The following MACROD2 variants were observed in gnomAD, a reference collection of about 807,000 sequenced individuals.
The protein encoded by MACROD2 is ADP-ribose glycohydrolase MACROD2.
MACROD2 carries 36 observed loss-of-function variants against 70.4 expected under a neutral mutation model. That is an observed-to-expected ratio of 0.51 (90% CI 0.39 to 0.68). MACROD2 has a LOEUF of 0.68. Among genes scored for constraint, MACROD2 ranks in the 30% least tolerant of loss-of-function variants. The probability of loss-of-function intolerance (pLI) is 0.00; values close to 1 mark genes in which losing one functional copy is unlikely to be tolerated. For missense variants in MACROD2, 496 were observed against 538.4 expected, an observed-to-expected ratio of 0.92 and a Z score of 0.78; for synonymous variants, 172 against 178.8, an observed-to-expected ratio of 0.96 and a Z score of 0.30.
intron 4 of MACROD2, among the ~76,000 whole-genome samples, chr20:14,591,816 C>T (rs1981790485): frequency 6.6e-6 from 1 of 152,166 alleles, no homozygotes; most frequent in Non-Finnish European, 1.5e-5. Flanking sequence ...GAAAGCCAAC[C>T]ATATACCAAG....
At chr20:14,534,187 G>C (rs971886878) in intron 4 of MACROD2, among the ~76,000 whole-genome samples, 1 of 152,190 alleles carries the variant, frequency 6.6e-6, no homozygotes, top group Non-Finnish European at 1.5e-5. Flanking sequence ...GGGCCACACC[G>C]TCAGATTCGA....
At chr20:15,735,249 C>T (rs2051002810) in intron 8 of MACROD2, among the ~76,000 whole-genome samples, 1 of 152,168 alleles carries the variant, frequency 6.6e-6, no homozygotes, top group Admixed American at 6.5e-5. Context: ...GTGAGAGCCA[C>T]TGCACCTGAC....
intron 4 of MACROD2, among the ~76,000 whole-genome samples, chr20:14,607,946 A>G (rs1264966245): frequency 6.6e-6 from 1 of 152,132 alleles, no homozygotes; most frequent in Non-Finnish European, 1.5e-5. Flanking sequence ...ATTTTTAATT[A>G]TTGTGGTTAA....
intron 2 of MACROD2, among the ~76,000 whole-genome samples, chr20:14,051,062 TGAA>T (rs1228215121): frequency 2.6e-5 from 4 of 152,108 alleles, no homozygotes; most frequent in Non-Finnish European, 5.9e-5. Context: ...ATATATTAAG[TGAA>T]GAAGGAAGTT....
At chr20:14,861,468 A>C (rs922126491) in intron 5 of MACROD2, among the ~76,000 whole-genome samples, 2 of 152,122 alleles carry the variant, frequency 1.3e-5, no homozygotes, top group African/African-American at 4.8e-5. Flanking sequence ...AAAGCTAGGA[A>C]CAAACAGGAA....
intron 7 of MACROD2, among the ~76,000 whole-genome samples, chr20:15,434,142 A>T (rs897470158): frequency 1.3e-5 from 2 of 152,090 alleles, no homozygotes; most frequent in Admixed American, 1.3e-4. Flanking sequence ...CATGACTAAG[A>T]CCTCAAAAGC....
intron 5 of MACROD2, among the ~76,000 whole-genome samples, chr20:14,910,343 G>A (rs545428981): frequency 3.9e-5 from 6 of 152,296 alleles, no homozygotes; most frequent in African/African-American, 1.4e-4. Context: ...ATTACAGTGT[G>A]TTATATAGTA....
intron 5 of MACROD2, among the ~76,000 whole-genome samples, chr20:14,791,290 A>G (rs1351738076): frequency 6.6e-6 from 1 of 152,132 alleles, no homozygotes; most frequent in East Asian, 1.9e-4. Context: ...AATGTATCAC[A>G]TCTGTGCTCC....
chr20:14,470,722 G>A (rs1186010467), intron 3 of MACROD2, among the ~76,000 whole-genome samples: 1 of 152,126 alleles, frequency 6.6e-6, no homozygotes, highest in Non-Finnish European at 1.5e-5. Context: ...TGTTTACACT[G>A]TGATGGGAAA....
intron 8 of MACROD2, among the ~76,000 whole-genome samples, chr20:15,658,761 C>T (rs2049771819): frequency 6.6e-6 from 1 of 152,118 alleles, no homozygotes; most frequent in African/African-American, 2.4e-5. Flanking sequence ...GGGAGCTCTG[C>T]TTGACAAACT....
intron 8 of MACROD2, among the ~76,000 whole-genome samples, chr20:15,531,684 A>T (rs1294479239): frequency 6.6e-6 from 1 of 152,178 alleles, no homozygotes; most frequent in Non-Finnish European, 1.5e-5. Flanking sequence ...GGAAACTAGG[A>T]GAGTCCAGTG....
Position 15,416,450 on chromosome 20 carries a change from G to C in MACROD2, c.541-14955G>C, listed in dbSNP as rs377028625. Among the ~76,000 whole-genome samples the C allele has an allele frequency of 2.0e-5, 3 of 152,160 alleles. No individual in the cohort carries two copies. The East Asian group carries it at 5.8e-4, about 29-fold the overall frequency. ...GGAAAGAAGAATTTATTACCTTTAC[G>C]TATTGAATCAAGCTGCATAATCACA... On this transcript the variant is annotated intron_variant, in intron 6 of 17. Transcript: ENST00000684519.
chr20:14,320,908 C>T (rs2082653861), intron 3 of MACROD2, among the ~76,000 whole-genome samples: 1 of 152,138 alleles, frequency 6.6e-6, no homozygotes, highest in African/African-American at 2.4e-5. Flanking sequence ...CCTTCTTACC[C>T]TTCAACACCT....
chr20:15,389,163 C>T (rs1600337890), intron 6 of MACROD2, among the ~76,000 whole-genome samples: 1 of 152,240 alleles, frequency 6.6e-6, no homozygotes, highest in East Asian at 1.9e-4. Flanking sequence ...AACCTGTTGC[C>T]TCTTTCAAGA....
chr20:15,831,255 C>T (rs2064053205), intron 8 of MACROD2, among the ~76,000 whole-genome samples: 3 of 152,162 alleles, frequency 2.0e-5, no homozygotes, highest in East Asian at 1.9e-4. Flanking sequence ...GTGTTATGTA[C>T]CTTGACCAAA....
At chr20:15,651,709 C>T (rs1448933996) in intron 8 of MACROD2, among the ~76,000 whole-genome samples, 1 of 152,174 alleles carries the variant, frequency 6.6e-6, no homozygotes, top group East Asian at 1.9e-4. Context: ...GAGGCTTCTT[C>T]CAGGCACCTC....
intron 7 of MACROD2, among the ~76,000 whole-genome samples, chr20:15,450,532 T>G (rs1036369381): frequency 6.6e-6 from 1 of 152,120 alleles, no homozygotes; most frequent in Non-Finnish European, 1.5e-5. Flanking sequence ...GTATTACCTA[T>G]TTTGTGTGTG....
chr20:15,152,086 C>G (rs1219207104), intron 5 of MACROD2, among the ~76,000 whole-genome samples: 1 of 151,936 alleles, frequency 6.6e-6, no homozygotes, highest in East Asian at 1.9e-4. Flanking sequence ...TCAGGCATCT[C>G]AGACCATTTG....
At chr20:14,513,220 T>G (rs2085050429) in intron 4 of MACROD2, among the ~76,000 whole-genome samples, 1 of 152,166 alleles carries the variant, frequency 6.6e-6, no homozygotes, top group Admixed American at 6.6e-5. Context: ...CCCTTTTTTC[T>G]GTTTCTTTAA....
Sources: gnomAD v4.1 joint callset for allele counts (sites outside exome capture counted in the v4.1 genomes callset) on GRCh38, gnomAD v4.1.1 for gene constraint, MANE v1.5 for transcripts, NCBI Gene and HGNC (gene_info 2026-07-23, HGNC 2026-07-21) for gene names.